The following MYH1 variants were observed in gnomAD, a reference collection of about 807,000 sequenced individuals.
MYH1 encodes myosin-1.
Under a neutral mutation model 225.6 loss-of-function variants are expected in MYH1, and 214 were observed. That is an observed-to-expected ratio of 0.95 (90% CI 0.85 to 1.06). MYH1 has a LOEUF of 1.06. Ranked by LOEUF, MYH1 falls within the 50% of genes least tolerant of loss-of-function variation. The pLI is 0.00. For synonymous variants in MYH1, 774 were observed against 842.3 expected (o/e 0.92, Z 1.40); for missense variants, 2,098 against 2,344.2 (o/e 0.89, Z 2.17).
In MYH1 at chr17:10,508,396, G is replaced by C. The variant is rs1403907727; in HGVS notation, c.1864C>G (p.Leu622Val). Residue 622 changes from leucine to valine, a missense_variant, in exon 16 of 40, where the codon CTC (leucine) becomes GTC (valine). Leu to Val is a conservative substitution (Grantham distance 32). Transcript: ENST00000226207. The part of the protein sequence containing the change: ...YQKSAMKTLA[L>V]LFVGATGAEA... Reference sequence around the variant, plus strand: ...GCTCCCGTTGCCCCAACAAAGAGGAGAGCCAGAGTCTTCATTGCAGACTTC... The same window carrying C: ...GCTCCCGTTGCCCCAACAAAGAGGACAGCCAGAGTCTTCATTGCAGACTTC... 3 of 1,612,106 alleles carry C rather than the reference G, an allele frequency of 1.9e-6. No homozygotes were observed. The South Asian group carries it at 3.3e-5, about 18-fold the overall frequency.
chr17:10,515,007 A>G, intron 5 of MYH1, 112 bp from the exon 6 acceptor site: 1 of 938,164 alleles, frequency 1.1e-6, no homozygotes, highest in East Asian at 2.4e-5. Flanking sequence ...GGGGTTTTTC[A>G]ATATATTATG....
chr17:10,505,171 C>G lies in MYH1; in HGVS notation c.2427G>C (p.Val809=). The change falls in exon 21 of 40, where the codon GTG becomes GTC. Residue 809 remains valine, a synonymous_variant. Transcript: ENST00000226207. ...FLARVEYQKM[V]ERRESIFCIQ... ...AGAATTCTTATTAATACCTTCTTTC[C>G]ACCATTTTCTGGTACTCCACTCTTG... 6.2e-7 allele frequency: 1 copy of G among 1,614,058 alleles called. No individual in the cohort carries two copies.
intron 24 of MYH1, among the ~76,000 whole-genome samples, 173 bp from the exon 25 acceptor site, chr17:10,502,084 A>G (rs2073064086): frequency 6.6e-6 from 1 of 152,240 alleles, no homozygotes. Context: ...GTCATCGTTT[A>G]AAAGGTAAAA....
At chr17:10,515,160 C>G (rs1246179614) in intron 5 of MYH1, among the ~76,000 whole-genome samples, 1 of 152,182 alleles carries the variant, frequency 6.6e-6, no homozygotes, top group Non-Finnish European at 1.5e-5. Flanking sequence ...GCATAATATG[C>G]TAAAGGCTTG....
At position 10,497,141 on chromosome 17, in the gene MYH1, A is replaced by C; in HGVS notation, c.4584T>G (p.His1528Gln). The change falls in exon 33 of 40, where the codon CAT becomes CAG. Residue 1528 changes from histidine (H) to glutamine (Q), a missense_variant. Physicochemically the swap from His to Gln is conservative, Grantham distance 24. Transcript: ENST00000226207. ...CTTGCTTCTTTATTTTTTCCAGTTC[A>C]TGGATGCGCTTTCCTCCTTCTGCAA... ...EQIAEGGKRI[H>Q]ELEKIKKQVE... The C allele has an allele frequency of 1.2e-6, 2 of 1,614,076 alleles. No homozygotes were observed. The highest frequency in any genetic ancestry group is 1.7e-6 in the Non-Finnish European group (2 of 1,179,994).
At position 10,496,649 on chromosome 17, in the gene MYH1, G is replaced by C. The variant is rs1328829897; in HGVS notation, c.4657-100C>G. 69 of 1,543,866 alleles carry C rather than the reference G, an allele frequency of 4.5e-5. 1 individual carries two copies. The South Asian group carries it at 7.9e-4, about 18-fold the overall frequency. On this transcript the variant is annotated intron_variant, in intron 33 of 39. Transcript: ENST00000226207. ...ATTCATGAAACCTTATTTATAAATA[G>C]ATTTCTAAGTAGTAGTAAGATTTAA...
rs576935532 is a variant in MYH1, at chr17:10,516,060, A to G, written c.371T>C (p.Val124Ala). 4 of 1,614,052 alleles carry G rather than the reference A, an allele frequency of 2.5e-6. No individual in the cohort carries two copies. Among genetic ancestry groups the G allele is most frequent in the Non-Finnish European group, 3.4e-6 (4 of 1,179,938 alleles). ...MIYTYSGLFCVTVNPYKWLPV... is the reference protein window; with the variant it reads ...MIYTYSGLFCATVNPYKWLPV... ...CAACCACTTGTAGGGGTTGACAGTG[A>G]CACAGAACAAGCCTGAGTAGGTCTG... The change falls in exon 5 of 40, where the codon GTC (valine) becomes GCC (alanine). Residue 124 changes from valine (V) to alanine (A), a missense_variant. Coordinates refer to ENST00000226207, the MANE Select transcript of MYH1 (RefSeq NM_005963.4).
chr17:10,494,733 A>G (rs2142253119), intron 37 of MYH1, 60 bp from the exon 38 acceptor site: 2 of 1,604,458 alleles, frequency 1.2e-6, no homozygotes, highest in South Asian at 2.2e-5. Flanking sequence ...TCTTCACATG[A>G]CCCACATACT....
chr17:10,508,182 C>G (rs902134641), intron 16 of MYH1, among the ~76,000 whole-genome samples, 181 bp downstream of exon 16: 1 of 151,868 alleles, frequency 6.6e-6, no homozygotes, highest in African/African-American at 2.4e-5. Context: ...CCATGCCCGG[C>G]TAATTTTTGC....
At chr17:10,501,745 T>C in intron 25 of MYH1, 21 bp downstream of exon 25, 1 of 1,613,996 alleles carries the variant, frequency 6.2e-7, no homozygotes. Context: ...CCCACAAAAC[T>C]GTTGACCTAA....
At chr17:10,509,088 T>G (rs542022162) in intron 15 of MYH1, among the ~76,000 whole-genome samples, 4 of 152,380 alleles carry the variant, frequency 2.6e-5, no homozygotes, top group Non-Finnish European at 5.9e-5. Flanking sequence ...TTGTACCAAG[T>G]ATTCTTGGTG....
At chr17:10,512,346 T>C in intron 12 of MYH1, 62 bp downstream of exon 12, 1 of 1,613,606 alleles carries the variant, frequency 6.2e-7, no homozygotes, top group Non-Finnish European at 8.5e-7. Context: ...AGACTTGAAT[T>C]TTGGAATGGA....
In MYH1 at chr17:10,496,017, C is replaced by T. The variant is rs747114191; in HGVS notation, c.5102G>A (p.Arg1701Lys). Reference protein sequence around the residue: ...ELRATLEQTERSRKIAEQELL... With the variant: ...ELRATLEQTEKSRKIAEQELL... ...CTCCTGTTCTGCGATTTTCCTGCTC[C>T]TCTCTGTCTGTTCCAGAGTGGCCCG... Residue 1701 changes from arginine to lysine, a missense_variant, in exon 35 of 40, where the codon AGG (arginine) becomes AAG (lysine). Coordinates refer to ENST00000226207, the MANE Select transcript of MYH1 (RefSeq NM_005963.4). 6.2e-7 allele frequency: 1 copy of T among 1,614,112 alleles called. No homozygotes were observed. Among genetic ancestry groups the T allele is most frequent in the Non-Finnish European group, 8.5e-7 (1 of 1,180,018 alleles).
chr17:10,501,066 G>C (rs1390980739), intron 27 of MYH1, 44 bp downstream of exon 27: 3 of 1,603,248 alleles, frequency 1.9e-6, no homozygotes, highest in African/African-American at 2.7e-5. Context: ...GTGCTAAAGG[G>C]AAAAACAAAA....
Position 10,498,666 on chromosome 17 carries a change from T to C in MYH1, c.4141A>G (p.Thr1381Ala). The change falls in exon 30 of 40, where the codon ACA (threonine) becomes GCA (alanine). Residue 1381 changes from threonine to alanine, a missense_variant. Thr to Ala is a moderately conservative substitution (Grantham distance 58). Coordinates refer to ENST00000226207, the MANE Select transcript of MYH1 (RefSeq NM_005963.4). ...TCCTCTGTGCGCTGGATGGCATCTG[T>C]CTCATATTTGGTCCTCCACTGGGCA... The part of the protein sequence containing the change: ...EVAQWRTKYE[T>A]DAIQRTEELE... 6.2e-7 allele frequency: 1 copy of C among 1,614,008 alleles called. No individual in the cohort carries two copies.
intron 15 of MYH1, among the ~76,000 whole-genome samples, 199 bp downstream of exon 15, chr17:10,509,286 A>G (rs1274866282): frequency 6.6e-6 from 1 of 152,192 alleles, no homozygotes; most frequent in Non-Finnish European, 1.5e-5. Context: ...ACTGTGGGTA[A>G]GTGTTGTGTT....
chr17:10,498,586 G>T, intron 30 of MYH1, 40 bp downstream of exon 30: 1 of 1,613,082 alleles, frequency 6.2e-7, no homozygotes, highest in Non-Finnish European at 8.5e-7. Context: ...TTGGGAGCAA[G>T]GAAACTTATA....
chr17:10,496,985 G>C, intron 33 of MYH1, 84 bp downstream of exon 33: 1 of 1,528,810 alleles, frequency 6.5e-7, no homozygotes, highest in Non-Finnish European at 8.8e-7. Context: ...ATTATTTTTC[G>C]TTTCTCTTGA....
chr17:10,508,336 T>C (rs1567720516), intron 16 of MYH1, 27 bp downstream of exon 16: 1 of 1,563,406 alleles, frequency 6.4e-7, no homozygotes, highest in Non-Finnish European at 8.6e-7. Context: ...ATACATTAGG[T>C]AAAAGATTAA....
Sources: gnomAD v4.1 joint callset for allele counts (sites outside exome capture counted in the v4.1 genomes callset) on GRCh38, gnomAD v4.1.1 for gene constraint, MANE v1.5 for transcripts, NCBI Gene and HGNC (gene_info 2026-07-23, HGNC 2026-07-21) for gene names.